The following ZNRF1 variants were observed in gnomAD, a reference collection of about 807,000 sequenced individuals.
The protein encoded by ZNRF1 is zinc and ring finger 1.
In ZNRF1, 3 loss-of-function variants were observed where a neutral mutation model predicts 18.4. That is an observed-to-expected ratio of 0.16 (90% CI 0.07 to 0.42). ZNRF1 has a LOEUF of 0.42. Ranked by LOEUF, ZNRF1 falls within the 10% of genes least tolerant of loss-of-function variation. ZNRF1 has a pLI of 0.99. For missense variants in ZNRF1, 310 were observed against 329.8 expected (o/e 0.94, Z 0.47); for synonymous variants, 157 against 144.2 (o/e 1.09, Z -0.64).
rs376685522 is a variant in ZNRF1, at chr16:75,058,458, A to G, written c.425-35114A>G. On this transcript the variant is annotated intron_variant, in intron 1 of 4. Coordinates refer to ENST00000335325, the MANE Select transcript of ZNRF1 (RefSeq NM_032268.5). ...ATTTCCCCAAACCTGCTGGCCCAAC[A>G]CTGTTGCAGTCAGCAGGAACTAAGG... Among the ~76,000 whole-genome samples, 6 of 152,310 alleles carry G rather than the reference A, an allele frequency of 3.9e-5. No individual in the cohort carries two copies. In the South Asian group the frequency reaches 1.2e-3, roughly 32 times the overall value.
intron 1 of ZNRF1, among the ~76,000 whole-genome samples, chr16:75,044,507 A>G (rs1054898998): frequency 1.8e-4 from 27 of 151,430 alleles, no homozygotes; most frequent in Non-Finnish European, 3.7e-4. Flanking sequence ...GATTATAGGC[A>G]TGATGAGCCA....
At chr16:75,091,087 G>A (rs2036132622) in intron 1 of ZNRF1, among the ~76,000 whole-genome samples, 1 of 151,970 alleles carries the variant, frequency 6.6e-6, no homozygotes, top group Non-Finnish European at 1.5e-5. Context: ...AGAAATGTTG[G>A]GTGACTGATG....
chr16:75,025,128 C>T (rs1316874857), intron 1 of ZNRF1, among the ~76,000 whole-genome samples: 4 of 152,052 alleles, frequency 2.6e-5, no homozygotes, highest in South Asian at 2.1e-4. Context: ...AGTGCAGTGG[C>T]GCCATCTCGG....
At chr16:75,084,071 C>T (rs1009828657) in intron 1 of ZNRF1, among the ~76,000 whole-genome samples, 5 of 152,160 alleles carry the variant, frequency 3.3e-5, no homozygotes, top group South Asian at 2.1e-4. Flanking sequence ...GAGGCTTTGT[C>T]GCAACACCTG....
intron 2 of ZNRF1, among the ~76,000 whole-genome samples, chr16:75,096,530 T>A (rs2036201901): frequency 6.6e-6 from 1 of 152,110 alleles, no homozygotes; most frequent in South Asian, 2.1e-4. Flanking sequence ...GAGTCAGAGG[T>A]GTGAGTTCTT....
At chr16:75,015,680 G>C (rs879772202) in intron 1 of ZNRF1, among the ~76,000 whole-genome samples, 11 of 152,126 alleles carry the variant, frequency 7.2e-5, no homozygotes, top group Non-Finnish European at 1.5e-4. Flanking sequence ...AACTCCTGGA[G>C]TCAGATAGTC....
At chr16:75,097,772 C>T (rs1357858900) in intron 2 of ZNRF1, among the ~76,000 whole-genome samples, 4 of 152,140 alleles carry the variant, frequency 2.6e-5, no homozygotes, top group Admixed American at 1.3e-4. Context: ...AGCTTGATCA[C>T]GCCACTGCAC....
At position 75,104,525 on chromosome 16, in the gene ZNRF1, T is replaced by C. The variant is rs1293765054; in HGVS notation, c.521-259T>C. The C allele has an allele frequency of 2.2e-5, 7 of 316,356 alleles. No homozygotes were observed. The East Asian group carries it at 4.9e-4, about 22-fold the overall frequency. The allele number at this position is 316,356 out of a possible 1,614,324, so 19.6% of individuals were successfully genotyped here. ...CCTTCTCCAAGCCTTTTTCGTCCGC[T>C]GTCACCTAGGCTTTTGGTTAATCAC... On this transcript the variant is annotated intron_variant, in intron 2 of 4. Transcript: ENST00000335325.
chr16:75,058,951 C>T (rs748047606), intron 1 of ZNRF1, among the ~76,000 whole-genome samples: 1 of 152,182 alleles, frequency 6.6e-6, no homozygotes, highest in Admixed American at 6.5e-5. Context: ...GGGGCTGCTA[C>T]CCGCCAGGCT....
chr16:75,031,915 C>T (rs796344168), intron 1 of ZNRF1, among the ~76,000 whole-genome samples: 8 of 152,134 alleles, frequency 5.3e-5, no homozygotes, highest in African/African-American at 1.9e-4. Context: ...TGAGGAATTG[C>T]CAGACTGTTT....
intron 1 of ZNRF1, among the ~76,000 whole-genome samples, chr16:75,030,421 A>T (rs1005165891): frequency 6.6e-6 from 1 of 152,126 alleles, no homozygotes; most frequent in Admixed American, 6.6e-5. Context: ...TTTGATCTGC[A>T]GTAGCTGGAG....
chr16:75,098,052 A>G (rs554364029), intron 2 of ZNRF1, among the ~76,000 whole-genome samples: 1 of 152,170 alleles, frequency 6.6e-6, no homozygotes, highest in Non-Finnish European at 1.5e-5. Context: ...CCATTGTTAG[A>G]TGCTGGATGG....
rs917204356 is a variant in ZNRF1, at chr16:75,048,429, T to C, written c.425-45143T>C. Among the ~76,000 whole-genome samples the C allele has an allele frequency of 3.3e-5, 5 of 152,210 alleles. No individual in the cohort carries two copies. The East Asian group carries it at 9.6e-4, about 29-fold the overall frequency. ...GAGGGACACTATTCAGCCCCTAACA[T>C]TGAATAATGCTGGCTTGGCTCTCTA... On this transcript the variant is annotated intron_variant, in intron 1 of 4. Transcript: ENST00000335325.
chr16:75,027,112 T>C (rs1490934032), intron 1 of ZNRF1, among the ~76,000 whole-genome samples: 1 of 150,804 alleles, frequency 6.6e-6, no homozygotes, highest in African/African-American at 2.4e-5. Flanking sequence ...AGCTAGAAAG[T>C]GGTGTGGCTC....
At chr16:75,058,427 A>G (rs1156645529) in intron 1 of ZNRF1, among the ~76,000 whole-genome samples, 2 of 152,194 alleles carry the variant, frequency 1.3e-5, no homozygotes, top group Non-Finnish European at 2.9e-5. Flanking sequence ...GTTAGACCCA[A>G]GGATTATTTC....
intron 1 of ZNRF1, among the ~76,000 whole-genome samples, chr16:75,073,625 T>A (rs1442474052): frequency 6.6e-6 from 1 of 152,116 alleles, no homozygotes; most frequent in Non-Finnish European, 1.5e-5. Context: ...TACGGATTCT[T>A]TTGTTTCTTT....
At chr16:75,043,305 C>G (rs1350454800) in intron 1 of ZNRF1, among the ~76,000 whole-genome samples, 1 of 152,140 alleles carries the variant, frequency 6.6e-6, no homozygotes, top group Admixed American at 6.5e-5. Context: ...ATCACTGAAA[C>G]CAGACATGGT....
intron 1 of ZNRF1, among the ~76,000 whole-genome samples, chr16:75,073,981 C>CT (rs1211425479): frequency 6.6e-6 from 1 of 152,090 alleles, no homozygotes; most frequent in Non-Finnish European, 1.5e-5. Flanking sequence ...AATACCCTAA[C>CT]TTTCAGCCTG....
At position 75,003,696 on chromosome 16, in the gene ZNRF1, C is replaced by T. The variant is rs562454937; in HGVS notation, c.424+3601C>T. ...GTGTCCTGGAGATTGCGCTGGCCTA[C>T]GAGTCAGAGTGCTAGGCTCATCTCC... is the stretch of plus-strand genomic sequence containing the variant. On this transcript the variant is annotated intron_variant, in intron 1 of 4. Transcript: ENST00000335325. 2.0e-4 allele frequency among the ~76,000 whole-genome samples: 30 copies of T among 152,150 alleles called. 1 individual carries two copies. The highest frequency in any genetic ancestry group is 7.2e-4 in the Admixed American group (11 of 15,266).
Sources: allele counts gnomAD v4.1 joint callset (sites outside exome capture counted in the v4.1 genomes callset), GRCh38; gene constraint gnomAD v4.1.1; transcripts MANE v1.5; gene names NCBI Gene and HGNC (gene_info 2026-07-23, HGNC 2026-07-21).